Variants in ZMIZ1 observed in about 807,000 individuals in gnomAD.
ZMIZ1 encodes zinc finger MIZ domain-containing protein 1.
A neutral mutation model predicts 113.9 loss-of-function variants in ZMIZ1; 17 were observed. That is an observed-to-expected ratio of 0.15 (90% confidence interval 0.10 to 0.22). ZMIZ1 has a LOEUF of 0.22. Among genes scored for constraint, ZMIZ1 ranks in the 10% least tolerant of loss-of-function variants. The pLI is 1.00. For synonymous variants in ZMIZ1, 607 were observed against 603.1 expected, an observed-to-expected ratio of 1.01 and a Z score of -0.09; for missense variants, 1,059 against 1,477.8, an observed-to-expected ratio of 0.72 and a Z score of 4.65.
chr10:79,103,167 C>G (rs557706932), intron 1 of ZMIZ1, among the ~76,000 whole-genome samples: 1 of 151,890 alleles, frequency 6.6e-6, no homozygotes, highest in Non-Finnish European at 1.5e-5. Flanking sequence ...AGGTGGTGAG[C>G]GGGAACAGCA....
chr10:79,214,485 G>C (rs187986279), intron 6 of ZMIZ1, among the ~76,000 whole-genome samples: 1 of 152,196 alleles, frequency 6.6e-6, no homozygotes, highest in African/African-American at 2.4e-5. Context: ...GATTTAGCAC[G>C]GGACATTTCT....
chr10:79,149,970 C>T (rs1251184256), intron 3 of ZMIZ1, among the ~76,000 whole-genome samples: 1 of 152,246 alleles, frequency 6.6e-6, no homozygotes, highest in Non-Finnish European at 1.5e-5. Flanking sequence ...CCAAAGGCCA[C>T]TAAGCAGGCC....
At chr10:79,149,244 T>G (rs556328061) in intron 3 of ZMIZ1, among the ~76,000 whole-genome samples, 18 of 152,320 alleles carry the variant, frequency 1.2e-4, no homozygotes, top group Middle Eastern at 3.4e-3. Flanking sequence ...TCCCCAGCAC[T>G]AAGCCAAGAG....
intron 1 of ZMIZ1, among the ~76,000 whole-genome samples, chr10:79,115,915 G>T (rs1472612058): frequency 5.3e-5 from 8 of 152,246 alleles, no homozygotes; most frequent in Non-Finnish European, 1.2e-4. Context: ...ACTCTGTCTG[G>T]CATTACAACT....
At chr10:79,265,463 C>CTTTTTTTTTTTTTTTTTTTTTTT (rs869066608) in intron 7 of ZMIZ1, among the ~76,000 whole-genome samples, 1 of 131,732 alleles carries the variant, frequency 7.6e-6, no homozygotes, top group African/African-American at 3.2e-5. Context: ...CCTTTTTTTT[C>CTTTTTTTTTTTTTTTTTTTTTTT]TTTTCTTTTT....
rs1180311227 is a variant in ZMIZ1 at position 79,165,477 on chromosome 10, G to A, written c.-50+3344G>A. On this transcript the variant is annotated intron_variant, in intron 4 of 24. Coordinates refer to ENST00000334512, the MANE Select transcript of ZMIZ1 (RefSeq NM_020338.4). ...TGTGTGCTTGTGTGTAAGTGTGTGC[G>A]TAGTAGCGTGTGCCTGTGTATGGGT... Among the ~76,000 whole-genome samples the A allele has an allele frequency of 4.6e-5, 7 of 152,156 alleles. No individual in the cohort carries two copies. The South Asian group carries it at 6.2e-4, about 14-fold the overall frequency.
At chr10:79,125,071 G>T (rs1270378697) in intron 2 of ZMIZ1, among the ~76,000 whole-genome samples, 1 of 152,216 alleles carries the variant, frequency 6.6e-6, no homozygotes, top group African/African-American at 2.4e-5. Flanking sequence ...CCACTGGCCG[G>T]ACCTTCATGC....
chr10:79,099,331 G>A (rs1589269215), intron 1 of ZMIZ1, among the ~76,000 whole-genome samples: 1 of 152,232 alleles, frequency 6.6e-6, no homozygotes, highest in East Asian at 1.9e-4. Flanking sequence ...CATGAGCAGG[G>A]GTGCTCCTGG....
chr10:79,121,785 C>T, intron 2 of ZMIZ1, among the ~76,000 whole-genome samples: 1 of 152,144 alleles, frequency 6.6e-6, no homozygotes, highest in East Asian at 1.9e-4. Flanking sequence ...GATATTTACG[C>T]TGGGCCTTGG....
At chr10:79,190,212 G>T (rs1310768679) in intron 4 of ZMIZ1, among the ~76,000 whole-genome samples, 1 of 152,216 alleles carries the variant, frequency 6.6e-6, no homozygotes, top group African/African-American at 2.4e-5. Context: ...AGGCGGCTTG[G>T]AGCTCCCCAG....
In ZMIZ1 at chr10:79,208,429, A is replaced by G; in HGVS notation, c.154A>G (p.Ser52Gly). The G allele has an allele frequency of 1.9e-6, 3 of 1,613,852 alleles. No homozygotes were observed. In the South Asian group the frequency reaches 3.3e-5, roughly 18 times the overall value. The change falls in exon 6 of 25, where the codon AGC (serine) becomes GGC (glycine). Residue 52 changes from serine (S) to glycine (G), a missense_variant. Physicochemically the swap from Ser to Gly is moderately conservative, Grantham distance 56 (BLOSUM62 0). Coordinates refer to ENST00000334512, the MANE Select transcript of ZMIZ1 (RefSeq NM_020338.4). Reference protein sequence around the residue: ...PRAFQRPFEQSLMGCLTVVSR... With the variant: ...PRAFQRPFEQGLMGCLTVVSR... ...GGCCTTCCAGCGGCCCTTCGAGCAG[A>G]GCCTGATGGGCTGTTTGACGGTGAG... is the stretch of plus-strand genomic sequence containing the variant.
intron 2 of ZMIZ1, among the ~76,000 whole-genome samples, chr10:79,123,637 T>G (rs2132341888): frequency 6.6e-6 from 1 of 152,276 alleles, no homozygotes; most frequent in East Asian, 1.9e-4. Flanking sequence ...GGATTTCATA[T>G]GAGGCAATCC....
chr10:79,232,039 G>A (rs954328102), intron 7 of ZMIZ1, among the ~76,000 whole-genome samples: 2 of 152,202 alleles, frequency 1.3e-5, no homozygotes, highest in Non-Finnish European at 2.9e-5. Flanking sequence ...GAATCTAGTG[G>A]AGGTTGGCCA....
intron 4 of ZMIZ1, among the ~76,000 whole-genome samples, chr10:79,198,324 A>G (rs753645330): frequency 6.6e-6 from 1 of 152,212 alleles, no homozygotes; most frequent in Non-Finnish European, 1.5e-5. Context: ...AGTGGAGACT[A>G]AAGATGTTTG....
intron 4 of ZMIZ1, among the ~76,000 whole-genome samples, chr10:79,187,620 C>T (rs1332346672): frequency 6.6e-6 from 1 of 152,228 alleles, no homozygotes; most frequent in Admixed American, 6.5e-5. Flanking sequence ...TGATCAGCCC[C>T]TTCCTTCTGG....
chr10:79,255,285 C>G (rs1210492439), intron 7 of ZMIZ1, among the ~76,000 whole-genome samples: 1 of 152,210 alleles, frequency 6.6e-6, no homozygotes, highest in African/African-American at 2.4e-5. Flanking sequence ...AGAAGGCAGG[C>G]AAATCCCAGA....
chr10:79,128,603 G>A (rs1029781761), intron 2 of ZMIZ1, among the ~76,000 whole-genome samples: 2 of 30,516 alleles, frequency 6.6e-5, no homozygotes, highest in Admixed American at 4.3e-4. Flanking sequence ...TGTGTAAATA[G>A]ACCCTGGAAC....
chr10:79,191,064 G>C (rs1271105086), intron 4 of ZMIZ1, among the ~76,000 whole-genome samples: 3 of 152,162 alleles, frequency 2.0e-5, no homozygotes, highest in Non-Finnish European at 4.4e-5. Context: ...TGATTGATTA[G>C]CCATGCCTGC....
chr10:79,106,772 T>C (rs1006508511), intron 1 of ZMIZ1, among the ~76,000 whole-genome samples: 3 of 152,214 alleles, frequency 2.0e-5, no homozygotes, highest in Non-Finnish European at 4.4e-5. Context: ...GACCCAAGAA[T>C]GATCGACAAA....
Sources: allele counts gnomAD v4.1 joint callset (sites outside exome capture counted in the v4.1 genomes callset), GRCh38; gene constraint gnomAD v4.1.1; transcripts MANE v1.5; gene names NCBI Gene and HGNC (gene_info 2026-07-23, HGNC 2026-07-21).